QTMAN: variants seen among roughly 807,000 people sequenced by gnomAD.
QTMAN encodes the protein tRNA-queuosine alpha-mannosyltransferase.
the QTMAN span, among the ~76,000 whole-genome samples, chr2:144,124,806 T>C: frequency 6.6e-6 from 1 of 152,156 alleles, no homozygotes. Context: ...CACCATTTGC[T>C]TCCTTTGCTA....
At chr2:144,133,402 TATA>T in the QTMAN span, among the ~76,000 whole-genome samples, 347 of 59,658 alleles carry the variant, frequency 5.8e-3, 22 homozygotes, top group Admixed American at 0.088. Context: ...ATTATATAAA[TATA>T]ATATATTATA....
chr2:144,025,741 G>A, the QTMAN span, among the ~76,000 whole-genome samples: 1 of 152,186 alleles, frequency 6.6e-6, no homozygotes, highest in African/African-American at 2.4e-5. Context: ...CCCAACCACA[G>A]GCATCTGACA....
At chr2:144,049,841 A>G in the QTMAN span, among the ~76,000 whole-genome samples, 18 of 152,180 alleles carry the variant, frequency 1.2e-4, no homozygotes, top group African/African-American at 4.1e-4. Context: ...GCTAAATACT[A>G]TATTAGTTTT....
the QTMAN span, among the ~76,000 whole-genome samples, chr2:143,969,662 C>A: frequency 1.3e-5 from 2 of 151,988 alleles, no homozygotes; most frequent in Non-Finnish European, 2.9e-5. Flanking sequence ...AGCTTTACAG[C>A]GAAAGAAAAT....
the QTMAN span, among the ~76,000 whole-genome samples, chr2:144,142,986 C>T: frequency 9.1e-4 from 139 of 152,042 alleles, no homozygotes; most frequent in South Asian, 4.6e-3. Flanking sequence ...TATTCTCTCA[C>T]GATGCTAGGC....
chr2:144,085,876 T>C, the QTMAN span, among the ~76,000 whole-genome samples: 3 of 152,180 alleles, frequency 2.0e-5, no homozygotes, highest in Non-Finnish European at 2.9e-5. Context: ...TTGAGATGTA[T>C]TAGATAAAAG....
the QTMAN span, among the ~76,000 whole-genome samples, chr2:144,157,319 C>A: frequency 1.3e-5 from 2 of 151,902 alleles, no homozygotes; most frequent in Non-Finnish European, 2.9e-5. Context: ...GGTCACATGT[C>A]TGAGGGTCAC....
chr2:144,332,004 C>T, the QTMAN span, among the ~76,000 whole-genome samples: 1 of 152,222 alleles, frequency 6.6e-6, no homozygotes, highest in Non-Finnish European at 1.5e-5. Context: ...CAGGCCAACC[C>T]GGACGCCCGG....
chr2:144,293,995 T>G, the QTMAN span, among the ~76,000 whole-genome samples: 2 of 152,224 alleles, frequency 1.3e-5, no homozygotes, highest in African/African-American at 4.8e-5. Flanking sequence ...TGGAGAATTT[T>G]TGTCTCAGAA....
chr2:144,244,192 T>C, the QTMAN span, among the ~76,000 whole-genome samples: 6 of 152,194 alleles, frequency 3.9e-5, no homozygotes, highest in African/African-American at 1.4e-4. Context: ...CATTAAAAAT[T>C]GAATGGGCAT....
the QTMAN span, among the ~76,000 whole-genome samples, chr2:144,275,988 A>G: frequency 6.6e-6 from 1 of 152,164 alleles, no homozygotes; most frequent in Admixed American, 6.5e-5. Flanking sequence ...ATACACAGAC[A>G]CACATGCACA....
the QTMAN span, among the ~76,000 whole-genome samples, chr2:144,244,115 T>A: frequency 6.6e-6 from 1 of 152,196 alleles, no homozygotes; most frequent in Non-Finnish European, 1.5e-5. Flanking sequence ...ATTCAAATCA[T>A]CACAAGTTTG....
the QTMAN span, among the ~76,000 whole-genome samples, chr2:144,246,579 CAAAAAAAA>C: frequency 4.2e-4 from 20 of 47,062 alleles, no homozygotes; most frequent in South Asian, 1.7e-3. Flanking sequence ...GACTCCGTCT[CAAAAAAAA>C]AAAAAAAAAA....
chr2:144,208,475 T>C, the QTMAN span: 4 of 740,606 alleles, frequency 5.4e-6, no homozygotes, highest in Non-Finnish European at 6.5e-6. Context: ...TCTAAAGAAA[T>C]ATCTACTATA....
At chr2:144,162,518 G>A in the QTMAN span, among the ~76,000 whole-genome samples, 1 of 152,138 alleles carries the variant, frequency 6.6e-6, no homozygotes, top group African/African-American at 2.4e-5. Flanking sequence ...AAGTATCAAA[G>A]CCCCAGAAGG....
At chr2:144,145,378 T>C in the QTMAN span, among the ~76,000 whole-genome samples, 5 of 152,058 alleles carry the variant, frequency 3.3e-5, no homozygotes, top group Middle Eastern at 0.01. Context: ...GATTGTTACA[T>C]ATATGTATTT....
the QTMAN span, among the ~76,000 whole-genome samples, chr2:144,094,089 C>T: frequency 4.6e-5 from 7 of 152,162 alleles, no homozygotes; most frequent in East Asian, 5.8e-4. Context: ...TAAGAAACAT[C>T]GGGACTGTAC....
At chr2:143,986,169 C>A in the QTMAN span, among the ~76,000 whole-genome samples, 2 of 152,140 alleles carry the variant, frequency 1.3e-5, no homozygotes, top group Non-Finnish European at 2.9e-5. Context: ...TCTAACAAAA[C>A]ATTATGGTAT....
the QTMAN span, among the ~76,000 whole-genome samples, chr2:144,109,423 A>C: frequency 1.3e-5 from 2 of 152,232 alleles, no homozygotes; most frequent in African/African-American, 4.8e-5. Flanking sequence ...TAAATGTTAG[A>C]CCTAAAAACC....
Sources: allele counts gnomAD v4.1 joint callset (sites outside exome capture counted in the v4.1 genomes callset), GRCh38; gene constraint gnomAD v4.1.1; transcripts MANE v1.5; gene names NCBI Gene and HGNC (gene_info 2026-07-23, HGNC 2026-07-21).